GTF2E2: variants seen among roughly 807,000 people sequenced by gnomAD.
GTF2E2 encodes general transcription factor IIE subunit 2.
Under a neutral mutation model 40.5 loss-of-function variants are expected in GTF2E2, and 21 were observed. The ratio of observed to expected loss-of-function variants is 0.52; its 90% confidence interval spans 0.37 to 0.75. The LOEUF is 0.75. Ranked by LOEUF, GTF2E2 falls within the 30% of genes least tolerant of loss-of-function variation. The probability of loss-of-function intolerance (pLI) is 0.00; values close to 1 mark genes in which losing one functional copy is unlikely to be tolerated. For synonymous variants in GTF2E2, 117 were observed against 121.6 expected, an observed-to-expected ratio of 0.96 and a Z score of 0.25; for missense variants, 298 against 338.4, an observed-to-expected ratio of 0.88 and a Z score of 0.94.
chr8:30,646,632 T>G (rs73578117), intron 2 of GTF2E2, among the ~76,000 whole-genome samples: 3,249 of 152,118 alleles, frequency 0.021, 119 homozygotes, highest in African/African-American at 0.073. Context: ...TAACAAAAAA[T>G]TGAAAATAAC....
intron 2 of GTF2E2, among the ~76,000 whole-genome samples, chr8:30,651,561 C>T (rs1290158825): frequency 6.6e-6 from 1 of 152,130 alleles, no homozygotes; most frequent in African/African-American, 2.4e-5. Context: ...TTGAGACCAG[C>T]CTGGGCAACA....
intron 2 of GTF2E2, among the ~76,000 whole-genome samples, chr8:30,639,209 A>G (rs1026355389): frequency 6.6e-6 from 1 of 152,226 alleles, no homozygotes; most frequent in Non-Finnish European, 1.5e-5. Flanking sequence ...TTTAATTTTT[A>G]TATAAAAGAT....
At chr8:30,645,401 G>A (rs1221315052) in intron 2 of GTF2E2, 1 of 1,535,540 alleles carries the variant, frequency 6.5e-7, no homozygotes, top group African/African-American at 1.4e-5. Flanking sequence ...CATGACAACT[G>A]GAACACTGCC....
intron 3 of GTF2E2, among the ~76,000 whole-genome samples, chr8:30,618,288 G>A (rs1346708794): frequency 8.7e-6 from 1 of 114,908 alleles, no homozygotes; most frequent in Non-Finnish European, 1.9e-5. Context: ...CTGTCTCGGG[G>A]GGCGGGGGGG....
chr8:30,580,317 A>G lies in GTF2E2; in HGVS notation c.723T>C (p.Gly241=), dbSNP rs1306294814. ...EKIEEYLKRQ[G]ISSMQESGPK... ...GTCCAGATTCCTGCATGGAAGAAAT[A>G]CCCTGTCGCTTCAGATATTCTTCAA... Residue 241 remains glycine (G), a synonymous_variant, in exon 7 of 8, where the codon GGT becomes GGC. Coordinates refer to ENST00000355904, the MANE Select transcript of GTF2E2 (RefSeq NM_002095.6). 2 of 1,608,992 alleles carry G rather than the reference A, an allele frequency of 1.2e-6. No homozygotes were observed. The highest frequency in any genetic ancestry group is 1.7e-5 in the Admixed American group (1 of 60,006).
At chr8:30,627,091 G>A (rs1002748750) in intron 3 of GTF2E2, among the ~76,000 whole-genome samples, 1 of 152,138 alleles carries the variant, frequency 6.6e-6, no homozygotes, top group African/African-American at 2.4e-5. Flanking sequence ...ATGACAGTAA[G>A]TAAAATGCAC....
chr8:30,629,334 A>C (rs1283345653), intron 3 of GTF2E2, among the ~76,000 whole-genome samples: 1 of 152,176 alleles, frequency 6.6e-6, no homozygotes, highest in South Asian at 2.1e-4. Flanking sequence ...TGTCAGAAGT[A>C]ATTCAGACAG....
chr8:30,582,538 A>G (rs916958983), intron 6 of GTF2E2, among the ~76,000 whole-genome samples: 32 of 152,218 alleles, frequency 2.1e-4, no homozygotes, highest in Non-Finnish European at 3.7e-4. Flanking sequence ...GTTTGAAGTG[A>G]AACTTCAACT....
chr8:30,635,242 CCT>C, intron 2 of GTF2E2, 119 bp from the exon 3 acceptor site: 1 of 573,112 alleles, frequency 1.7e-6, no homozygotes, highest in Non-Finnish European at 3.0e-6. Context: ...TATATTCTAC[CCT>C]GTAATATTCT....
intron 3 of GTF2E2, among the ~76,000 whole-genome samples, chr8:30,625,431 C>T (rs1354189202): frequency 6.6e-6 from 1 of 152,106 alleles, no homozygotes; most frequent in East Asian, 1.9e-4. Flanking sequence ...TAAGGTTCCA[C>T]AAGAAATCGT....
At chr8:30,611,637 G>A (rs1247298670) in intron 5 of GTF2E2, among the ~76,000 whole-genome samples, 1 of 152,078 alleles carries the variant, frequency 6.6e-6, no homozygotes, top group African/African-American at 2.4e-5. Context: ...AAAAAAAATT[G>A]AAATAAATAA....
At chr8:30,628,933 A>T (rs555188552) in intron 3 of GTF2E2, among the ~76,000 whole-genome samples, 1 of 151,498 alleles carries the variant, frequency 6.6e-6, no homozygotes, top group Admixed American at 6.6e-5. Context: ...TCCGTCTCAA[A>T]AAAAAAAAAA....
intron 2 of GTF2E2, among the ~76,000 whole-genome samples, chr8:30,638,805 A>G (rs1238494969): frequency 6.6e-6 from 1 of 152,238 alleles, no homozygotes; most frequent in African/African-American, 2.4e-5. Flanking sequence ...GAAAATATGA[A>G]GACTGCCTTG....
intron 3 of GTF2E2, among the ~76,000 whole-genome samples, chr8:30,622,703 T>C (rs1051095911): frequency 1.3e-5 from 2 of 152,032 alleles, no homozygotes; most frequent in African/African-American, 4.8e-5. Flanking sequence ...AGGGGGGCCG[T>C]CTACAGACCT....
chr8:30,655,874 A>G (rs73245374), intron 1 of GTF2E2, among the ~76,000 whole-genome samples: 29,017 of 151,726 alleles, frequency 0.19, 3,596 homozygotes, highest in East Asian at 0.51. Context: ...GCAGTGGTGC[A>G]ATCTCGGCTC....
chr8:30,647,598 C>T (rs1419870400), intron 2 of GTF2E2, among the ~76,000 whole-genome samples: 3 of 152,122 alleles, frequency 2.0e-5, no homozygotes, highest in Non-Finnish European at 4.4e-5. Context: ...ACAAAAGAAT[C>T]TTAACTGCCG....
At chr8:30,640,459 A>C (rs1801775753) in intron 2 of GTF2E2, among the ~76,000 whole-genome samples, 1 of 152,182 alleles carries the variant, frequency 6.6e-6, no homozygotes, top group Non-Finnish European at 1.5e-5. Flanking sequence ...ACCAAAATTA[A>C]CATAAAACAA....
At chr8:30,607,306 T>C (rs1829345133) in intron 5 of GTF2E2, among the ~76,000 whole-genome samples, 156 bp from the exon 6 acceptor site, 1 of 152,024 alleles carries the variant, frequency 6.6e-6, no homozygotes, top group Admixed American at 6.6e-5. Flanking sequence ...CCAATTTTAG[T>C]TTTAGTTTTG....
intron 2 of GTF2E2, among the ~76,000 whole-genome samples, chr8:30,649,043 T>C (rs1227865349): frequency 6.6e-6 from 1 of 152,218 alleles, no homozygotes. Flanking sequence ...AAGGCTCAAG[T>C]GGCTTAAGCC....
Sources: allele counts gnomAD v4.1 joint callset (sites outside exome capture counted in the v4.1 genomes callset), GRCh38; gene constraint gnomAD v4.1.1; transcripts MANE v1.5; gene names NCBI Gene and HGNC (gene_info 2026-07-23, HGNC 2026-07-21).